PEAR1: variants seen among roughly 807,000 people sequenced by gnomAD.
PEAR1 encodes multiple EGF-like domains protein 12.
In PEAR1, 113 loss-of-function variants were observed where a neutral mutation model predicts 131.2. The ratio of observed to expected loss-of-function variants is 0.86; its 90% CI spans 0.74 to 1.01. The LOEUF is 1.01. Ranked by LOEUF, PEAR1 falls within the 50% of genes least tolerant of loss-of-function variation. The pLI is 0.00. For synonymous variants in PEAR1, 565 were observed against 523.3 expected (o/e 1.08, Z -1.09); for missense variants, 1,408 against 1,391.1 (o/e 1.01, Z -0.19).
chr1:156,906,710 CAA>C lies in PEAR1; in HGVS notation c.475_476del (p.Lys159GlufsTer58). ...GCGGCAACAACAGCTCGTGTGATCC[CAA>C]GAGTGGGGTATGTTCTTGCCCTTCT... ...SCGNNSSCDPKSGVCSCPSGL... is the reference protein window; with the variant it reads ...SCGNNSSCDPXSGVCSCPSGL... On this transcript the variant is annotated frameshift_variant, in exon 6 of 23. Transcript: ENST00000292357. LOFTEE classifies it high-confidence loss of function. 1 of 1,614,220 alleles carries C rather than the reference CAA, an allele frequency of 6.2e-7. No individual in the cohort carries two copies. The highest frequency in any genetic ancestry group is 1.6e-4 in the Middle Eastern group (1 of 6,062).
At chr1:156,897,636 C>T (rs191906409) in intron 1 of PEAR1, among the ~76,000 whole-genome samples, 16 of 152,346 alleles carry the variant, frequency 1.1e-4, no homozygotes, top group South Asian at 6.2e-4. Context: ...TGAGGCCACG[C>T]GGGTCTGTGG....
chr1:156,912,730 GC>G, intron 17 of PEAR1, 39 bp from the exon 18 acceptor site: 1 of 1,613,332 alleles, frequency 6.2e-7, no homozygotes, highest in Non-Finnish European at 8.5e-7. Context: ...ATGCAGCAGA[GC>G]CAAGATGCCA....
At chr1:156,904,074 C>T (rs375034255) in intron 2 of PEAR1, 47 bp downstream of exon 2, 16 of 1,495,050 alleles carry the variant, frequency 1.1e-5, no homozygotes, top group African/African-American at 4.1e-5. Context: ...CCCTAGCTCC[C>T]GATTGTCCCT....
In PEAR1 at chr1:156,905,434, G is replaced by A. The variant is rs1391199908; in HGVS notation, c.307+10G>A. Reference sequence around the variant, plus strand: ...AGGGGGTTCTGTGTCCGTGAGTCCAGGGTTGGGTTAGGGAGCGGGGTGGGG... The same window carrying A: ...AGGGGGTTCTGTGTCCGTGAGTCCAAGGTTGGGTTAGGGAGCGGGGTGGGG... On this transcript the variant is annotated intron_variant, in intron 4 of 22. Transcript: ENST00000292357. 4 of 1,595,784 alleles carry A rather than the reference G, an allele frequency of 2.5e-6. No homozygotes were observed. The highest frequency in any genetic ancestry group is 1.7e-4 in the Middle Eastern group (1 of 5,970).
At chr1:156,904,723 C>A in intron 2 of PEAR1, 25 bp from the exon 3 acceptor site, 1 of 1,595,366 alleles carries the variant, frequency 6.3e-7, no homozygotes, top group Non-Finnish European at 8.5e-7. Context: ...TGCCCTCGGC[C>A]CTGACCCTGT....
rs822441 is a variant in PEAR1, at chr1:156,913,204, G to C, written c.2433G>C (p.Pro811=). 294,309 of 1,611,938 alleles carry C rather than the reference G, an allele frequency of 0.18. 33,134 individuals are homozygous for C. The highest frequency in any genetic ancestry group is 0.5 in the African/African-American group (37,076 of 74,836). ...GTGTCTGTCATGCAGATGTCCCTCC[G>C]AGCTACAGTCACTACTACTCCAACC... The part of the protein sequence containing the change: ...GSEYVMPDVP[P]SYSHYYSNPS... The change falls in exon 19 of 23, where the codon CCG becomes CCC. Residue 811 remains proline (P), a synonymous_variant. Coordinates refer to ENST00000292357, the MANE Select transcript of PEAR1 (RefSeq NM_001080471.3).
rs1411566216 is a variant in PEAR1 at position 156,914,758 on chromosome 1, G to A, written c.3074G>A (p.Arg1025Gln). 61 of 1,613,826 alleles carry A rather than the reference G, an allele frequency of 3.8e-5. No homozygotes were observed. In the East Asian group the frequency reaches 1.0e-3, roughly 27 times the overall value. The change falls in exon 23 of 23, where the codon CGG (arginine) becomes CAG (glutamine). Residue 1025 changes from arginine to glutamine, a missense_variant. By Grantham distance (43) the Arg-to-Gln change is conservative (BLOSUM62 1). Transcript: ENST00000292357. ...IPGHYDLPPV[R>Q]HPPSPPLRRQ... ...GGACATTATGACTTGCCTCCAGTAC[G>A]GCATCCCCCATCACCTCCACTTCGA... is the stretch of plus-strand genomic sequence containing the variant.
chr1:156,912,420 C>T (rs748053503), intron 16 of PEAR1, 45 bp downstream of exon 16: 1 of 1,603,670 alleles, frequency 6.2e-7, no homozygotes, highest in South Asian at 1.1e-5. Flanking sequence ...CCAACTTAAC[C>T]CTTACCCAAA....
chr1:156,911,200 T>TTTCTTTCTTTTC lies in PEAR1; in HGVS notation c.1951+459_1951+460insCTTTCTTTTCTT, dbSNP rs777355978. ...CTTTTCTTTCTTCTTTCTTTCTTTC[T>TTTCTTTCTTTTC]TTTCTTTCTTTCTTTCTTTCCTTTC... On this transcript the variant is annotated intron_variant, in intron 15 of 22. Coordinates refer to ENST00000292357, the MANE Select transcript of PEAR1 (RefSeq NM_001080471.3). 3.7e-3 allele frequency among the ~76,000 whole-genome samples: 425 copies of TTTCTTTCTTTTC among 114,256 alleles called. 38 individuals carry two copies. Among genetic ancestry groups the TTTCTTTCTTTTC allele is most frequent in the African/African-American group, 0.015 (400 of 26,678 alleles). The allele number at this position is 114,256 out of a possible 152,430, so 75.0% of individuals were successfully genotyped here.
At chr1:156,906,977 T>A in intron 6 of PEAR1, 97 bp downstream of exon 6, 2 of 1,476,702 alleles carry the variant, frequency 1.4e-6, no homozygotes, top group South Asian at 2.7e-5. Context: ...GGGCCCCAAG[T>A]GTGGGGATGA....
rs540611928 is a variant in PEAR1, at chr1:156,908,511, C to A, written c.1116-144C>A. 8.3e-7 allele frequency: 1 copy of A among 1,198,850 alleles called. No individual in the cohort carries two copies. The highest frequency in any genetic ancestry group is 1.5e-5 in the African/African-American group (1 of 65,066). 74.3% of individuals were successfully genotyped at this position (1,198,850 alleles called of 1,614,324 possible). ...CTGGGGTACCGCTACTTGCCCCAACCCAGTTTTCAGAATAGCGCGGAGCCT... is the reference window on the plus strand; with the variant it reads ...CTGGGGTACCGCTACTTGCCCCAACACAGTTTTCAGAATAGCGCGGAGCCT... On this transcript the variant is annotated intron_variant, in intron 9 of 22. Coordinates refer to ENST00000292357, the MANE Select transcript of PEAR1 (RefSeq NM_001080471.3). The surrounding 1 kb of genome is among the most constrained non-coding windows in gnomAD (Gnocchi z 4.2).
intron 14 of PEAR1, 38 bp from the exon 15 acceptor site, chr1:156,910,580 G>T: frequency 6.2e-7 from 1 of 1,609,596 alleles, no homozygotes; most frequent in Non-Finnish European, 8.5e-7. Flanking sequence ...TTGAGGATTG[G>T]CCTCTGCCCC....
At position 156,908,538 on chromosome 1, in the gene PEAR1, C is replaced by A; in HGVS notation, c.1116-117C>A. ...AGTTTTCAGAATAGCGCGGAGCCTC[C>A]CTAGTGACCCCCTTACCCCAGCGAT... On this transcript the variant is annotated intron_variant, in intron 9 of 22. Coordinates refer to ENST00000292357, the MANE Select transcript of PEAR1 (RefSeq NM_001080471.3). This position sits in a 1 kb window ranked among gnomAD's most constrained non-coding sequence, Gnocchi z 4.2. 1 of 1,225,286 alleles carries A rather than the reference C, an allele frequency of 8.2e-7. No individual in the cohort carries two copies. Among genetic ancestry groups the A allele is most frequent in the Non-Finnish European group, 1.1e-6 (1 of 906,532 alleles). 75.9% of individuals were successfully genotyped at this position (1,225,286 alleles called of 1,614,324 possible). A position where few individuals can be genotyped will look rare whatever the true frequency, so the allele number is the denominator to read the frequency against.
chr1:156,909,275 T>G (rs1650762164), intron 11 of PEAR1, among the ~76,000 whole-genome samples: 1 of 152,182 alleles, frequency 6.6e-6, no homozygotes, highest in South Asian at 2.1e-4. Flanking sequence ...GCCACCTCAC[T>G]GGCGAACGTC....
rs1558141331 is a variant in PEAR1, at chr1:156,910,106, T to G, written c.1676T>G (p.Met559Arg). Reference protein sequence around the residue: ...HGRCQCQAGWMGARCHLSCPE... With the variant: ...HGRCQCQAGWRGARCHLSCPE... Reference sequence around the variant, plus strand: ...CGCTGTCAGTGCCAGGCTGGCTGGATGGGTGAGCATTCTGGGGCCCCAGGC... The same window carrying G: ...CGCTGTCAGTGCCAGGCTGGCTGGAGGGGTGAGCATTCTGGGGCCCCAGGC... The change falls in exon 13 of 23, where the codon ATG (methionine) becomes AGG (arginine). Residue 559 changes from methionine to arginine, a missense_variant and splice_region_variant. Physicochemically the swap from Met to Arg is moderately conservative, Grantham distance 91 (BLOSUM62 -1). Coordinates refer to ENST00000292357, the MANE Select transcript of PEAR1 (RefSeq NM_001080471.3). 6.2e-7 allele frequency: 1 copy of G among 1,614,060 alleles called. No individual in the cohort carries two copies. Among genetic ancestry groups the G allele is most frequent in the Admixed American group, 1.7e-5 (1 of 60,020 alleles).
intron 1 of PEAR1, among the ~76,000 whole-genome samples, chr1:156,899,475 T>TC (rs1302439557): frequency 6.6e-6 from 1 of 152,122 alleles, no homozygotes; most frequent in Non-Finnish European, 1.5e-5. Context: ...CTGCCCCCAC[T>TC]TCCTTTCTCT....
At chr1:156,906,429 G>C (rs6688349) in intron 5 of PEAR1, 61 bp downstream of exon 5, 3 of 1,590,788 alleles carry the variant, frequency 1.9e-6, no homozygotes, top group Non-Finnish European at 2.6e-6. Flanking sequence ...AGGACCCTCA[G>C]GTACACCCTC....
In PEAR1 at chr1:156,912,858, C is replaced by T; in HGVS notation, c.2298C>T (p.Ser766=). The change falls in exon 18 of 23, where the codon TCC becomes TCT. Residue 766 remains serine (S), a synonymous_variant. Transcript: ENST00000292357. ...GAVIGIAVLG[S]LVVALVALFI... ...TGATTGGCATTGCAGTGCTGGGGTCCCTTGTGGTAGCCCTGGTGGCACTGT... is the reference window on the plus strand; with the variant it reads ...TGATTGGCATTGCAGTGCTGGGGTCTCTTGTGGTAGCCCTGGTGGCACTGT... 1.9e-6 allele frequency: 3 copies of T among 1,614,212 alleles called. No homozygotes were observed. The South Asian group carries it at 3.3e-5, about 18-fold the overall frequency.
At chr1:156,910,494 GTC>G (rs1650937689) in intron 14 of PEAR1, 114 bp downstream of exon 14, 4 of 1,547,028 alleles carry the variant, frequency 2.6e-6, no homozygotes, top group Non-Finnish European at 3.5e-6. Context: ...CTTACCCCCG[GTC>G]TCTTCCTCTG....
Sources: gnomAD v4.1 joint callset for allele counts (sites outside exome capture counted in the v4.1 genomes callset) on GRCh38, gnomAD v4.1.1 for gene constraint, Gnocchi (gnomAD v3.1) non-coding constraint, MANE v1.5 for transcripts, NCBI Gene and HGNC (gene_info 2026-07-23, HGNC 2026-07-21) for gene names.